STK26: variants seen among roughly 807,000 people sequenced by gnomAD.
STK26 encodes serine/threonine-protein kinase 26.
In STK26, 14 loss-of-function variants were observed where a neutral mutation model predicts 34.7. That is an observed-to-expected ratio of 0.40 (90% CI 0.27 to 0.63). The LOEUF (loss-of-function observed/expected upper bound fraction) is 0.63, where lower values mean the gene tolerates loss of function less well. Ranked by LOEUF, STK26 falls within the 30% of genes least tolerant of loss-of-function variation. STK26 has a pLI of 0.38. For missense variants in STK26, 226 were observed against 309.1 expected, an observed-to-expected ratio of 0.73 and a Z score of 2.02; for synonymous variants, 100 against 109.8, an observed-to-expected ratio of 0.91 and a Z score of 0.56.
intron 2 of STK26, among the ~76,000 whole-genome samples, chrX:132,051,237 ATTG>A (rs1926677991): frequency 9.0e-6 from 1 of 111,307 alleles, no homozygotes; most frequent in Admixed American, 9.6e-5. Context: ...TGTTGTTGTT[ATTG>A]TTGTTTTAGT....
intron 2 of STK26, among the ~76,000 whole-genome samples, chrX:132,040,221 C>T (rs762854033): frequency 4.4e-5 from 5 of 112,804 alleles, no homozygotes; most frequent in East Asian, 2.8e-4. Context: ...AAAGGTTTGC[C>T]GATCCCTGCC....
At chrX:132,061,002 C>A (rs1000493844) in intron 3 of STK26, among the ~76,000 whole-genome samples, 6 of 111,974 alleles carry the variant, frequency 5.4e-5, no homozygotes, top group Non-Finnish European at 7.5e-5. Flanking sequence ...ATGGTATATA[C>A]TACTTTGTAA....
At chrX:132,055,370 T>A (rs772059364) in intron 3 of STK26, 5 of 828,362 alleles carry the variant, frequency 6.0e-6, no homozygotes, top group Non-Finnish European at 8.6e-6. Context: ...ATCTTAAGCA[T>A]GTGGTAAATA....
In STK26 at chrX:132,040,801, T is replaced by C. The variant is rs747399078; in HGVS notation, c.43-13830T>C. On this transcript the variant is annotated intron_variant, in intron 2 of 11. Coordinates refer to ENST00000394334, the MANE Select transcript of STK26 (RefSeq NM_016542.4). ...TTGTCTGAAGTAAGGAGAATAATAC[T>C]TAATCAAAAATGCATTAAAATTATT... Among the ~76,000 whole-genome samples, 3 of 111,926 alleles carry C rather than the reference T, an allele frequency of 2.7e-5. No homozygotes were observed. In the South Asian group the frequency reaches 1.1e-3, roughly 41 times the overall value.
chrX:132,026,229 T>C (rs1177365184), intron 2 of STK26, among the ~76,000 whole-genome samples: 15 of 112,256 alleles, frequency 1.3e-4, no homozygotes, highest in Non-Finnish European at 1.9e-5. Flanking sequence ...AAATTGCTGT[T>C]GCCACTAGTT....
chrX:132,068,064 A>G (rs1479618467), intron 4 of STK26, 151 bp from the exon 5 acceptor site: 5 of 398,122 alleles, frequency 1.3e-5, no homozygotes, highest in African/African-American at 1.0e-4. Context: ...CACATTTTAC[A>G]TTTTTCCTTC....
intron 2 of STK26, among the ~76,000 whole-genome samples, chrX:132,026,370 T>C (rs1332310763): frequency 8.9e-6 from 1 of 112,224 alleles, no homozygotes; most frequent in Non-Finnish European, 1.9e-5. Context: ...CGAACATTTT[T>C]TGCCACGTTA....
chrX:132,046,857 A>C (rs1457987089), intron 2 of STK26, among the ~76,000 whole-genome samples: 1 of 112,366 alleles, frequency 8.9e-6, no homozygotes, highest in Non-Finnish European at 1.9e-5. Flanking sequence ...TCATGCATGT[A>C]AAATCTGGGA....
intron 2 of STK26, among the ~76,000 whole-genome samples, chrX:132,031,288 A>G (rs1388070814): frequency 8.9e-6 from 1 of 111,884 alleles, no homozygotes; most frequent in African/African-American, 3.3e-5. Flanking sequence ...AAATCAGGGT[A>G]ATTAACGTAT....
Position 132,075,101 on chromosome X carries a change from G to A in STK26, c.*942G>A, listed in dbSNP as rs1446844005. Reference sequence around the variant, plus strand: ...TCCTATAAACTATTTATATATTTTTGTTCTTCATAATTATCACTAATAAGC... The same window carrying A: ...TCCTATAAACTATTTATATATTTTTATTCTTCATAATTATCACTAATAAGC... On this transcript the variant is annotated 3_prime_UTR_variant, in exon 12 of 12. Coordinates refer to ENST00000394334, the MANE Select transcript of STK26 (RefSeq NM_016542.4). The A allele has an allele frequency of 9.0e-6, 1 of 111,499 alleles. No homozygotes were observed. Among genetic ancestry groups the A allele is most frequent in the Non-Finnish European group, 1.9e-5 (1 of 52,825 alleles). The allele number at this position is 111,499 out of a possible 1,213,427, so 9.2% of individuals were successfully genotyped here.
Position 132,058,174 on chromosome X carries a change from C to T in STK26, c.273+3313C>T, listed in dbSNP as rs777857335. On this transcript the variant is annotated intron_variant, in intron 3 of 11. Transcript: ENST00000394334. ...TTTAGAGATCTCATGAGTGATTACG[C>T]AGTCTCAGTAGTTTTAGGTTCTCCT... Among the ~76,000 whole-genome samples, 32 of 111,215 alleles carry T rather than the reference C, an allele frequency of 2.9e-4. No homozygotes were observed. In the South Asian group the frequency reaches 3.0e-3, roughly 10 times the overall value.
In STK26 at chrX:132,044,666, G is replaced by T. The variant is rs1191664252; in HGVS notation, c.43-9965G>T. 1.5e-3 allele frequency among the ~76,000 whole-genome samples: 73 copies of T among 49,305 alleles called. 5 individuals are homozygous for T. The East Asian group carries it at 0.022, about 15-fold the overall frequency. 42.8% of individuals were successfully genotyped at this position (49,305 alleles called of 115,157 possible). A position where few individuals can be genotyped will look rare whatever the true frequency, so the allele number is the denominator to read the frequency against. On this transcript the variant is annotated intron_variant, in intron 2 of 11. Coordinates refer to ENST00000394334, the MANE Select transcript of STK26 (RefSeq NM_016542.4). ...CTCTCTCTCTCTCTCTCTCTCTCTC[G>T]AGATCTATATATATATATATATAGA... is the stretch of plus-strand genomic sequence containing the variant.
chrX:132,025,930 G>A (rs1602738025), intron 2 of STK26, among the ~76,000 whole-genome samples: 1 of 111,393 alleles, frequency 9.0e-6, no homozygotes, highest in Admixed American at 9.5e-5. Flanking sequence ...TTATGAAGGC[G>A]TTAGGAGCAA....
At chrX:132,028,304 A>C (rs1925688330) in intron 2 of STK26, among the ~76,000 whole-genome samples, 1 of 111,181 alleles carries the variant, frequency 9.0e-6, no homozygotes, top group Non-Finnish European at 1.9e-5. Context: ...TCAGAAGGAA[A>C]AGTTAAAGAC....
At chrX:132,049,931 C>T (rs866821407) in intron 2 of STK26, among the ~76,000 whole-genome samples, 1 of 111,739 alleles carries the variant, frequency 8.9e-6, no homozygotes, top group African/African-American at 3.3e-5. Flanking sequence ...TTTTAGGATA[C>T]GTGAGTTGAA....
chrX:132,042,631 A>G (rs1216272510), intron 2 of STK26, among the ~76,000 whole-genome samples: 4 of 111,794 alleles, frequency 3.6e-5, no homozygotes, highest in African/African-American at 9.7e-5. Flanking sequence ...AACAATAAGC[A>G]TTTGTTTAGC....
intron 2 of STK26, among the ~76,000 whole-genome samples, chrX:132,028,876 C>T (rs1925717560): frequency 8.9e-6 from 1 of 111,922 alleles, no homozygotes. Context: ...CTCCCTTACA[C>T]CTCCCTAAGG....
chrX:132,063,033 G>A (rs1212072387), intron 3 of STK26, among the ~76,000 whole-genome samples: 6 of 110,653 alleles, frequency 5.4e-5, no homozygotes, highest in African/African-American at 2.0e-4. Context: ...TTTAATAAAG[G>A]CATATAATGT....
chrX:132,054,288 A>C (rs1926783844), intron 2 of STK26, among the ~76,000 whole-genome samples: 1 of 112,388 alleles, frequency 8.9e-6, no homozygotes, highest in South Asian at 3.6e-4. Flanking sequence ...ATATTCTCCC[A>C]CTATTGCTAC....
Sources: gnomAD v4.1 joint callset for allele counts (sites outside exome capture counted in the v4.1 genomes callset) on GRCh38, gnomAD v4.1.1 for gene constraint, MANE v1.5 for transcripts, NCBI Gene and HGNC (gene_info 2026-07-23, HGNC 2026-07-21) for gene names.